AKAP13: variants seen among roughly 807,000 people sequenced by gnomAD.
AKAP13 encodes A-kinase anchoring protein 13.
Under a neutral mutation model 264.5 loss-of-function variants are expected in AKAP13, and 80 were observed. The ratio of observed to expected loss-of-function variants is 0.30; its 90% CI spans 0.25 to 0.36. AKAP13 has a LOEUF of 0.36. Among genes scored for constraint, AKAP13 ranks in the 10% least tolerant of loss-of-function variants. AKAP13 has a pLI of 1.00. For missense variants in AKAP13, 3,712 were observed against 3,435.2 expected, an observed-to-expected ratio of 1.08 and a Z score of -2.01; for synonymous variants, 1,380 against 1,250.2, an observed-to-expected ratio of 1.10 and a Z score of -2.19.
intron 10 of AKAP13, among the ~76,000 whole-genome samples, chr15:85,647,151 C>G (rs1208456685): frequency 6.6e-6 from 1 of 152,180 alleles, no homozygotes; most frequent in Non-Finnish European, 1.5e-5. Flanking sequence ...GTAATCCCAG[C>G]ACTTTGGGAG....
At chr15:85,477,540 C>T (rs1461212057) in intron 1 of AKAP13, among the ~76,000 whole-genome samples, 3 of 149,334 alleles carry the variant, frequency 2.0e-5, no homozygotes, top group East Asian at 2.0e-4. Flanking sequence ...TTTGAGTTTA[C>T]GCTACACAAT....
At chr15:85,534,193 G>A in intron 4 of AKAP13, 1 of 383,916 alleles carries the variant, frequency 2.6e-6, no homozygotes, top group Non-Finnish European at 4.6e-6. Flanking sequence ...GAGGAGAGTA[G>A]CAGAGTTACT....
chr15:85,688,369 A>G (rs1597065530), intron 16 of AKAP13, among the ~76,000 whole-genome samples: 2 of 152,290 alleles, frequency 1.3e-5, no homozygotes, highest in South Asian at 2.1e-4. Context: ...ATGCTGTGAG[A>G]GACCGTCTGA....
At chr15:85,501,829 T>C (rs1263196091) in intron 2 of AKAP13, among the ~76,000 whole-genome samples, 5 of 152,202 alleles carry the variant, frequency 3.3e-5, no homozygotes, top group African/African-American at 1.2e-4. Context: ...TAACCCTGCA[T>C]GGTGTAGGGA....
chr15:85,448,125 A>G (rs940316245), intron 1 of AKAP13, among the ~76,000 whole-genome samples: 2 of 151,884 alleles, frequency 1.3e-5, no homozygotes, highest in African/African-American at 2.4e-5. Context: ...ATGATCACTG[A>G]TATTGAGCTT....
chr15:85,416,213 T>C (rs2072237767), intron 1 of AKAP13, among the ~76,000 whole-genome samples: 1 of 152,230 alleles, frequency 6.6e-6, no homozygotes, highest in South Asian at 2.1e-4. Context: ...GTTAAATACC[T>C]CTATTCATTG....
Position 85,715,789 on chromosome 15 carries a change from C to G in AKAP13, c.5601C>G (p.Pro1867=). 1 of 1,608,478 alleles carries G rather than the reference C, an allele frequency of 6.2e-7. No homozygotes were observed. The highest frequency in any genetic ancestry group is 8.5e-7 in the Non-Finnish European group (1 of 1,178,708). The part of the protein sequence containing the change: ...SLPTVIMRNK[P]SQPKERPRSA... Reference sequence around the variant, plus strand: ...TCAGTTAGTGTCCTCCTTTTGCAGCCTCACAGCCCAAGGAGCGTCCTCGGT... The same window carrying G: ...TCAGTTAGTGTCCTCCTTTTGCAGCGTCACAGCCCAAGGAGCGTCCTCGGT... Residue 1867 remains proline (P), a splice_region_variant and synonymous_variant, in exon 20 of 37, where the codon CCC becomes CCG. Transcript: ENST00000394518.
chr15:85,486,637 G>A (rs772812049), intron 2 of AKAP13, among the ~76,000 whole-genome samples: 2 of 151,632 alleles, frequency 1.3e-5, no homozygotes, highest in African/African-American at 2.4e-5. Context: ...ACAGTGTTTG[G>A]TAGTTTTCAC....
At chr15:85,716,604 C>T (rs2086963059) in intron 20 of AKAP13, among the ~76,000 whole-genome samples, 1 of 152,186 alleles carries the variant, frequency 6.6e-6, no homozygotes, top group Non-Finnish European at 1.5e-5. Flanking sequence ...AGCAAAATTC[C>T]TAACTAAAGG....
intron 15 of AKAP13, among the ~76,000 whole-genome samples, chr15:85,682,958 T>C (rs1266147845): frequency 2.4e-4 from 2 of 8,182 alleles, no homozygotes; most frequent in Non-Finnish European, 4.6e-4. Flanking sequence ...TGAAATTGAT[T>C]CTTTACTTGA....
chr15:85,713,775 T>C (rs994566475), intron 19 of AKAP13, among the ~76,000 whole-genome samples: 1 of 152,174 alleles, frequency 6.6e-6, no homozygotes, highest in African/African-American at 2.4e-5. Context: ...AAGTCATAAC[T>C]ACCACCCCAG....
Position 85,580,060 on chromosome 15 carries a change from C to G in AKAP13, c.1992C>G (p.Asp664Glu). 6.2e-7 allele frequency: 1 copy of G among 1,614,214 alleles called. No individual in the cohort carries two copies. The highest frequency in any genetic ancestry group is 8.5e-7 in the Non-Finnish European group (1 of 1,180,034). ...CTGGAGACGATAAACTTTGTGCAGA[C>G]TCTGCATGTCAACAGAACACAGTGA... ...STTGDDKLCA[D>E]SACQQNTVTS... Residue 664 changes from aspartate to glutamate, a missense_variant, in exon 7 of 37, where the codon GAC (aspartate) becomes GAG (glutamate). By Grantham distance (45) the Asp-to-Glu change is conservative (BLOSUM62 2). This residue lies in a region of AKAP13 where 2,759 missense variants were observed against 2,411.7 expected (regional missense o/e 1.14). Transcript: ENST00000394518.
At chr15:85,662,064 C>G (rs558975124) in intron 12 of AKAP13, among the ~76,000 whole-genome samples, 2 of 152,262 alleles carry the variant, frequency 1.3e-5, no homozygotes, top group South Asian at 4.1e-4. Flanking sequence ...TGAAATACCT[C>G]TCATGTCTGA....
intron 2 of AKAP13, among the ~76,000 whole-genome samples, chr15:85,517,547 A>G (rs532396918): frequency 3.2e-4 from 48 of 152,320 alleles, no homozygotes; most frequent in African/African-American, 1.1e-3. Context: ...TAAACTTAAT[A>G]TATAAAGGAA....
chr15:85,612,069 A>G (rs1567154598), intron 8 of AKAP13, among the ~76,000 whole-genome samples: 1 of 152,232 alleles, frequency 6.6e-6, no homozygotes, highest in Non-Finnish European at 1.5e-5. Context: ...ATTAAACTTT[A>G]CTGAAAAGCT....
At chr15:85,415,456 C>T in intron 1 of AKAP13, 1 of 1,600,554 alleles carries the variant, frequency 6.2e-7, no homozygotes, top group Non-Finnish European at 8.5e-7. Flanking sequence ...GAAGAAACCA[C>T]AGCTGATGGC....
At chr15:85,466,754 T>C (rs1306380134) in intron 1 of AKAP13, among the ~76,000 whole-genome samples, 1 of 152,210 alleles carries the variant, frequency 6.6e-6, no homozygotes, top group African/African-American at 2.4e-5. Context: ...AATAAAACCT[T>C]TGAAACACCA....
intron 8 of AKAP13, chr15:85,619,699 G>A (rs74025641): frequency 2.2e-5 from 22 of 993,110 alleles, no homozygotes; most frequent in Admixed American, 1.2e-4. Flanking sequence ...TACGTGTATC[G>A]GCCGTTATGC....
intron 8 of AKAP13, among the ~76,000 whole-genome samples, chr15:85,602,903 A>T (rs1188804767): frequency 1.3e-5 from 2 of 152,238 alleles, no homozygotes; most frequent in African/African-American, 4.8e-5. Flanking sequence ...TGAATGTTTC[A>T]TTCTACAATA....
Sources: allele counts gnomAD v4.1 joint callset (sites outside exome capture counted in the v4.1 genomes callset), GRCh38; gene constraint gnomAD v4.1.1; regional missense constraint gnomAD v4.1.1; transcripts MANE v1.5; gene names NCBI Gene and HGNC (gene_info 2026-07-23, HGNC 2026-07-21).